The following MEF2A variants were observed in gnomAD, a reference collection of about 807,000 sequenced individuals.
The protein encoded by MEF2A is myocyte enhancer factor 2A, also known as myocyte-specific enhancer factor 2A.
Under a neutral mutation model 55.8 loss-of-function variants are expected in MEF2A, and 28 were observed. The ratio of observed to expected loss-of-function variants is 0.50; its 90% CI spans 0.37 to 0.69. The LOEUF (loss-of-function observed/expected upper bound fraction) is 0.69. Ranked by LOEUF, MEF2A falls within the 30% of genes least tolerant of loss-of-function variation. The pLI is 0.00. For missense variants in MEF2A, 528 were observed against 626.2 expected (o/e 0.84, Z 1.67); for synonymous variants, 239 against 227.1 (o/e 1.05, Z -0.47).
intron 2 of MEF2A, among the ~76,000 whole-genome samples, chr15:99,626,542 C>T (rs2042084109): frequency 6.6e-6 from 1 of 152,034 alleles, no homozygotes; most frequent in Non-Finnish European, 1.5e-5. Context: ...AAAATCACAG[C>T]ATCTTAATTT....
At chr15:99,659,763 A>C (rs1010041048) in intron 4 of MEF2A, among the ~76,000 whole-genome samples, 1 of 152,212 alleles carries the variant, frequency 6.6e-6, no homozygotes. Context: ...AGTACCATTT[A>C]GTTTTCCGTT....
chr15:99,596,724 G>T (rs1971300354), intron 1 of MEF2A, among the ~76,000 whole-genome samples: 1 of 152,196 alleles, frequency 6.6e-6, no homozygotes, highest in Admixed American at 6.5e-5. Flanking sequence ...CGAGGAGAGA[G>T]ATAGCTTTCC....
Position 99,714,799 on chromosome 15 carries a change from T to TCCCCCCC in MEF2A, c.*2033_*2039dup, listed in dbSNP as rs58267790. On this transcript the variant is annotated 3_prime_UTR_variant, in exon 12 of 12. Coordinates refer to ENST00000557942, the MANE Select transcript of MEF2A (RefSeq NM_001319206.4). ...CCTACAATTTCTATGTACATTTTGT[T>TCCCCCCC]CCCCCCCCCCCACCCCCCCCCCAAA... The TCCCCCCC allele has an allele frequency of 5.7e-4, 19 of 33,134 alleles. No individual in the cohort carries two copies. The highest frequency in any genetic ancestry group is 1.5e-3 in the African/African-American group (8 of 5,278). 2.1% of individuals were successfully genotyped at this position (33,134 alleles called of 1,614,324 possible). A position where few individuals can be genotyped will look rare whatever the true frequency, so the allele number is the denominator to read the frequency against.
chr15:99,649,228 A>T (rs535195065), intron 4 of MEF2A, among the ~76,000 whole-genome samples: 36 of 152,284 alleles, frequency 2.4e-4, no homozygotes, highest in African/African-American at 8.2e-4. Flanking sequence ...GGATGTATAT[A>T]TCCCCTACAT....
At chr15:99,602,638 G>C (rs528885963) in intron 2 of MEF2A, among the ~76,000 whole-genome samples, 2 of 146,952 alleles carry the variant, frequency 1.4e-5, no homozygotes, top group African/African-American at 5.0e-5. Flanking sequence ...CCTGGTGGTT[G>C]CCTGACATTC....
At chr15:99,698,327 AG>A (rs1423496562) in intron 8 of MEF2A, among the ~76,000 whole-genome samples, 1 of 152,238 alleles carries the variant, frequency 6.6e-6, no homozygotes, top group African/African-American at 2.4e-5. Context: ...AAAACCCAAC[AG>A]TAAGAAAACA....
intron 4 of MEF2A, 22 bp downstream of exon 4, chr15:99,645,786 G>A (rs1042965779): frequency 2.3e-5 from 35 of 1,493,982 alleles, no homozygotes; most frequent in Non-Finnish European, 3.0e-5. Context: ...CTAGTAATAC[G>A]TGAATTGCAA....
chr15:99,703,301 TTTG>T (rs1419110782), intron 8 of MEF2A, 58 bp from the exon 9 acceptor site: 2 of 1,552,336 alleles, frequency 1.3e-6, no homozygotes, highest in East Asian at 2.3e-5. Flanking sequence ...AAAGAAATAT[TTTG>T]TTTGTGAGTA....
chr15:99,615,304 T>G (rs966409694), intron 2 of MEF2A, among the ~76,000 whole-genome samples: 5 of 152,232 alleles, frequency 3.3e-5, no homozygotes, highest in Non-Finnish European at 7.3e-5. Context: ...CTGGTATTTG[T>G]CTTTTATGCA....
chr15:99,694,056 T>C (rs1273082485), intron 8 of MEF2A, among the ~76,000 whole-genome samples: 2 of 152,222 alleles, frequency 1.3e-5, no homozygotes, highest in African/African-American at 4.8e-5. Context: ...TTTTTAACCT[T>C]GTGTCTTTTT....
intron 2 of MEF2A, among the ~76,000 whole-genome samples, chr15:99,618,415 C>G (rs1462245019): frequency 1.3e-5 from 2 of 152,078 alleles, no homozygotes; most frequent in Admixed American, 1.3e-4. Flanking sequence ...GATCCTGTTA[C>G]TGAAGAGGGT....
At chr15:99,671,805 A>G in intron 5 of MEF2A, 1 of 934,380 alleles carries the variant, frequency 1.1e-6, no homozygotes, top group Non-Finnish European at 1.5e-6. Flanking sequence ...AAACTTCAAA[A>G]TAAAATTGCT....
intron 3 of MEF2A, among the ~76,000 whole-genome samples, chr15:99,637,817 G>A (rs1198520896): frequency 6.6e-6 from 1 of 152,002 alleles, no homozygotes; most frequent in Admixed American, 6.5e-5. Context: ...TAATTTTTTT[G>A]TATTTTTAGT....
At chr15:99,575,182 G>A (rs751899927) in intron 1 of MEF2A, among the ~76,000 whole-genome samples, 2 of 151,940 alleles carry the variant, frequency 1.3e-5, no homozygotes, top group South Asian at 2.1e-4. Context: ...TTAGTATGGG[G>A]GATTCAAGAA....
At chr15:99,590,874 A>C (rs1969041356) in intron 1 of MEF2A, among the ~76,000 whole-genome samples, 1 of 152,128 alleles carries the variant, frequency 6.6e-6, no homozygotes, top group Admixed American at 6.5e-5. Flanking sequence ...TTAAAACTTA[A>C]ATGTCTTATA....
At chr15:99,690,484 C>G (rs2055179317) in intron 8 of MEF2A, 56 bp downstream of exon 8, 1 of 1,429,142 alleles carries the variant, frequency 7.0e-7, no homozygotes, top group East Asian at 2.4e-5. Flanking sequence ...TATACATAGT[C>G]AATCTGTAGC....
intron 2 of MEF2A, among the ~76,000 whole-genome samples, chr15:99,626,595 C>T (rs1340190830): frequency 1.3e-5 from 2 of 151,970 alleles, no homozygotes; most frequent in African/African-American, 4.8e-5. Context: ...CTTTATCATT[C>T]AAGGTTTTCT....
intron 4 of MEF2A, among the ~76,000 whole-genome samples, chr15:99,660,398 C>G (rs2153566102): frequency 6.6e-6 from 1 of 152,252 alleles, no homozygotes; most frequent in South Asian, 2.1e-4. Context: ...TGTGACTGAC[C>G]TCTGACCAAG....
At chr15:99,658,821 C>T (rs1433964189) in intron 4 of MEF2A, among the ~76,000 whole-genome samples, 2 of 152,106 alleles carry the variant, frequency 1.3e-5, no homozygotes, top group Non-Finnish European at 2.9e-5. Flanking sequence ...ACAGGGAAAG[C>T]ATAACACCTG....
Sources: gnomAD v4.1 joint callset for allele counts (sites outside exome capture counted in the v4.1 genomes callset) on GRCh38, gnomAD v4.1.1 for gene constraint, MANE v1.5 for transcripts, NCBI Gene and HGNC (gene_info 2026-07-23, HGNC 2026-07-21) for gene names.